Variants in IMPA2 observed in about 807,000 individuals in gnomAD.
IMPA2 encodes the protein IMP 2.
IMPA2 carries 32 observed loss-of-function variants against 35.1 expected under a neutral mutation model. That is an observed-to-expected ratio of 0.91 (90% confidence interval 0.69 to 1.23). IMPA2 has a LOEUF of 1.23. Ranked by LOEUF, IMPA2 falls within the 50% of genes most tolerant of loss-of-function variation. The probability of loss-of-function intolerance (pLI) is 0.00; values close to 1 mark genes in which losing one functional copy is unlikely to be tolerated. For missense variants in IMPA2, 334 were observed against 387.6 expected (o/e 0.86, Z 1.16); for synonymous variants, 135 against 160.6 (o/e 0.84, Z 1.20).
chr18:12,010,928 C>T lies in IMPA2; in HGVS notation c.335+941C>T, dbSNP rs964817561. ...GGTGACCCTTTCGAGGCAGTGGAGTCGTGCCATCTGGTGCCAGCAAATGTG... is the reference window on the plus strand; with the variant it reads ...GGTGACCCTTTCGAGGCAGTGGAGTTGTGCCATCTGGTGCCAGCAAATGTG... On this transcript the variant is annotated intron_variant, in intron 3 of 7. Transcript: ENST00000269159. This position sits in a 1 kb window ranked among gnomAD's most constrained non-coding sequence, Gnocchi z 4.8. Among the ~76,000 whole-genome samples, 3 of 152,182 alleles carry T rather than the reference C, an allele frequency of 2.0e-5. No homozygotes were observed. The highest frequency in any genetic ancestry group is 7.2e-5 in the African/African-American group (3 of 41,438).
chr18:12,000,514 C>T (rs1907086649), intron 2 of IMPA2, among the ~76,000 whole-genome samples: 1 of 151,724 alleles, frequency 6.6e-6, no homozygotes, highest in Non-Finnish European at 1.5e-5. Context: ...TTGTTGACAA[C>T]CTTTGAGTTT....
At chr18:11,981,786 C>G (rs1906506688) in intron 1 of IMPA2, 21 bp downstream of exon 1, 1 of 1,218,678 alleles carries the variant, frequency 8.2e-7, no homozygotes, top group Non-Finnish European at 1.0e-6. Flanking sequence ...CGGCTGGGCT[C>G]GGAAGTCCGG....
intron 2 of IMPA2, among the ~76,000 whole-genome samples, chr18:12,007,645 TTC>T (rs879890451): frequency 0.12 from 15,339 of 130,536 alleles, 1,024 homozygotes; most frequent in Admixed American, 0.19. Context: ...CTTTCTTTCT[TTC>T]TTTCTTTCTT....
chr18:11,996,878 C>A (rs1906972450), intron 1 of IMPA2, among the ~76,000 whole-genome samples: 1 of 151,564 alleles, frequency 6.6e-6, no homozygotes, highest in Admixed American at 6.6e-5. Flanking sequence ...ACCCAGAAAT[C>A]CATACACACC....
At chr18:11,996,870 C>A (rs1256206423) in intron 1 of IMPA2, among the ~76,000 whole-genome samples, 4 of 151,474 alleles carry the variant, frequency 2.6e-5, no homozygotes, top group African/African-American at 7.3e-5. Flanking sequence ...ACACACACAC[C>A]CAGAAATCCA....
At chr18:11,984,308 A>C (rs574602591) in intron 1 of IMPA2, among the ~76,000 whole-genome samples, 4 of 152,254 alleles carry the variant, frequency 2.6e-5, no homozygotes, top group African/African-American at 9.6e-5. Flanking sequence ...TCCTAGTTCC[A>C]GCCACCCACA....
At chr18:12,025,491 C>T (rs1907856488) in intron 5 of IMPA2, among the ~76,000 whole-genome samples, 1 of 152,226 alleles carries the variant, frequency 6.6e-6, no homozygotes, top group Non-Finnish European at 1.5e-5. Context: ...TTCCACCAGC[C>T]ATGCATGCGA....
intron 5 of IMPA2, among the ~76,000 whole-genome samples, chr18:12,026,078 A>G (rs1907874682): frequency 7.1e-6 from 1 of 140,970 alleles, no homozygotes; most frequent in South Asian, 2.2e-4. Context: ...CTTCTTGCCC[A>G]GGCTGGAATG....
At position 12,028,091 on chromosome 18, in the gene IMPA2, C is replaced by G. The variant is rs760051122; in HGVS notation, c.539C>G (p.Pro180Arg). 20 of 1,613,996 alleles carry G rather than the reference C, an allele frequency of 1.2e-5. No homozygotes were observed. The highest frequency in any genetic ancestry group is 1.5e-5 in the Non-Finnish European group (18 of 1,179,986). Residue 180 changes from proline to arginine, a missense_variant, in exon 6 of 8, where the codon CCT (proline) becomes CGT (arginine). Coordinates refer to ENST00000269159, the MANE Select transcript of IMPA2 (RefSeq NM_014214.3). ...ACAGAAATTGGCCCCAAACGTGACC[C>G]TGCGACCCTGAAGCTGTTCCTGAGT... Reference protein sequence around the residue: ...VLTEIGPKRDPATLKLFLSNM... With the variant: ...VLTEIGPKRDRATLKLFLSNM...
chr18:11,996,946 A>G (rs1394380926), intron 1 of IMPA2, among the ~76,000 whole-genome samples: 1 of 151,594 alleles, frequency 6.6e-6, no homozygotes, highest in Admixed American at 6.6e-5. Flanking sequence ...ACCGATACAC[A>G]CACACCCAGA....
At chr18:12,028,462 G>A in intron 6 of IMPA2, 1 of 445,274 alleles carries the variant, frequency 2.2e-6, no homozygotes, top group Non-Finnish European at 4.0e-6. Context: ...GCGTCAGACA[G>A]GTTTATCAAA....
chr18:12,024,389 CAA>C (rs10597793), intron 5 of IMPA2, among the ~76,000 whole-genome samples: 15,194 of 151,076 alleles, frequency 0.1, 891 homozygotes, highest in African/African-American at 0.15. Flanking sequence ...GAGGCTGAGA[CAA>C]GAGAACTGCG....
At chr18:12,008,358 T>C (rs1270458264) in intron 2 of IMPA2, 2 of 518,908 alleles carry the variant, frequency 3.9e-6, no homozygotes, top group Admixed American at 3.9e-5. Flanking sequence ...AGTACACATG[T>C]GAACCCGGCA....
At chr18:11,989,661 C>T (rs1906758875) in intron 1 of IMPA2, among the ~76,000 whole-genome samples, 1 of 152,176 alleles carries the variant, frequency 6.6e-6, no homozygotes, top group African/African-American at 2.4e-5. Flanking sequence ...CTGCCCTTGC[C>T]TCTGGGCAGC....
intron 5 of IMPA2, among the ~76,000 whole-genome samples, chr18:12,017,297 G>T (rs1486063722): frequency 6.6e-6 from 1 of 152,196 alleles, no homozygotes; most frequent in Non-Finnish European, 1.5e-5. Context: ...ACCCCCAGCT[G>T]CCTGGAGCCA....
At chr18:12,022,553 A>ATATT (rs1568038107) in intron 5 of IMPA2, among the ~76,000 whole-genome samples, 1 of 135,438 alleles carries the variant, frequency 7.4e-6, no homozygotes, top group African/African-American at 2.7e-5. Flanking sequence ...ATATATATAT[A>ATATT]TATTTGTGTG....
At chr18:12,017,440 C>T (rs1568036332) in intron 5 of IMPA2, among the ~76,000 whole-genome samples, 1 of 152,160 alleles carries the variant, frequency 6.6e-6, no homozygotes, top group Non-Finnish European at 1.5e-5. Context: ...AGCAAATAAT[C>T]CCATCAGTGT....
chr18:12,015,708 C>T (rs575713871), intron 5 of IMPA2, among the ~76,000 whole-genome samples: 1 of 152,354 alleles, frequency 6.6e-6, no homozygotes, highest in African/African-American at 2.4e-5. Context: ...GCCTCACCTT[C>T]CCTCTCCAGA....
intron 1 of IMPA2, among the ~76,000 whole-genome samples, chr18:11,983,832 C>CA (rs1906577563): frequency 6.6e-6 from 1 of 152,112 alleles, no homozygotes. Context: ...TAAAGAGGGA[C>CA]AGATTGTCTT....
Sources: allele counts gnomAD v4.1 joint callset (sites outside exome capture counted in the v4.1 genomes callset), GRCh38; gene constraint gnomAD v4.1.1; non-coding constraint Gnocchi (gnomAD v3.1); transcripts MANE v1.5; gene names NCBI Gene and HGNC (gene_info 2026-07-23, HGNC 2026-07-21).